The following IGSF21 variants were observed in gnomAD, a reference collection of about 807,000 sequenced individuals.
IGSF21 encodes the protein immunoglobulin superfamily member 21.
Under a neutral mutation model 46.8 loss-of-function variants are expected in IGSF21, and 28 were observed. The observed-to-expected ratio is 0.60, with a 90% CI of 0.44 to 0.82. The LOEUF is 0.82. Ranked by LOEUF, IGSF21 falls within the 40% of genes least tolerant of loss-of-function variation. The pLI is 0.00. For missense variants in IGSF21, 624 were observed against 665.5 expected (o/e 0.94, Z 0.69); for synonymous variants, 284 against 273.6 (o/e 1.04, Z -0.38).
chr1:18,353,774 G>GA (rs1028421298), intron 4 of IGSF21, among the ~76,000 whole-genome samples: 60 of 152,344 alleles, frequency 3.9e-4, no homozygotes, highest in African/African-American at 1.2e-3. Context: ...GACTCAAAGA[G>GA]AAAAATGTCT....
At chr1:18,372,834 A>ATATT (rs1557666263) in intron 6 of IGSF21, among the ~76,000 whole-genome samples, 1 of 114,628 alleles carries the variant, frequency 8.7e-6, no homozygotes, top group African/African-American at 3.6e-5. Flanking sequence ...GGATGGATGG[A>ATATT]TGGATGGATG....
intron 3 of IGSF21, among the ~76,000 whole-genome samples, chr1:18,298,650 A>G (rs2085334040): frequency 6.6e-6 from 1 of 152,224 alleles, no homozygotes; most frequent in Non-Finnish European, 1.5e-5. Context: ...AAATGAAAAA[A>G]AGAGGCTGAG....
intron 1 of IGSF21, among the ~76,000 whole-genome samples, chr1:18,179,897 C>T (rs2086839896): frequency 6.6e-6 from 1 of 152,202 alleles, no homozygotes; most frequent in Admixed American, 6.5e-5. Context: ...ACCCCCTTGG[C>T]ATTCTTCAAA....
chr1:18,130,795 G>C (rs1354382899), intron 1 of IGSF21, among the ~76,000 whole-genome samples: 1 of 152,240 alleles, frequency 6.6e-6, no homozygotes, highest in African/African-American at 2.4e-5. Context: ...CGCTTGTGGA[G>C]AGCAGCAGCC....
chr1:18,123,965 C>T (rs922971097), intron 1 of IGSF21, among the ~76,000 whole-genome samples: 1 of 152,162 alleles, frequency 6.6e-6, no homozygotes, highest in Non-Finnish European at 1.5e-5. Context: ...AAGCATGAAG[C>T]CCCCCTTTCC....
At chr1:18,357,383 G>C (rs911866855) in intron 4 of IGSF21, among the ~76,000 whole-genome samples, 1 of 147,902 alleles carries the variant, frequency 6.8e-6, no homozygotes, top group African/African-American at 2.5e-5. Context: ...TGGGGAAAGG[G>C]ATGGGGATGA....
chr1:18,374,536 G>A (rs892920088), intron 6 of IGSF21, among the ~76,000 whole-genome samples: 3 of 152,146 alleles, frequency 2.0e-5, no homozygotes, highest in African/African-American at 4.8e-5. Context: ...CCTTCCACAC[G>A]ACTGGCTGGC....
At chr1:18,168,979 AGT>A (rs1359065697) in intron 1 of IGSF21, among the ~76,000 whole-genome samples, 2 of 152,190 alleles carry the variant, frequency 1.3e-5, no homozygotes, top group African/African-American at 4.8e-5. Context: ...TGAAATCAGG[AGT>A]AGGGGGCTCA....
intron 3 of IGSF21, among the ~76,000 whole-genome samples, chr1:18,302,942 AAC>A (rs2085376107): frequency 6.6e-6 from 1 of 152,174 alleles, no homozygotes; most frequent in Non-Finnish European, 1.5e-5. Flanking sequence ...GAACTCCCAG[AAC>A]ACACCCTTCT....
At chr1:18,178,868 G>A (rs1310462446) in intron 1 of IGSF21, among the ~76,000 whole-genome samples, 2 of 152,102 alleles carry the variant, frequency 1.3e-5, no homozygotes, top group East Asian at 1.9e-4. Flanking sequence ...CTTATTCTCC[G>A]CCCTTCCTCT....
chr1:18,141,342 C>T (rs1172797015), intron 1 of IGSF21, among the ~76,000 whole-genome samples: 64 of 152,116 alleles, frequency 4.2e-4, no homozygotes, highest in Admixed American at 4.2e-3. Flanking sequence ...GTTTTGCCCA[C>T]CTGCCAATGA....
chr1:18,337,187 C>A lies in IGSF21; in HGVS notation c.424+2177C>A, dbSNP rs538445656. 5.3e-5 allele frequency among the ~76,000 whole-genome samples: 8 copies of A among 152,294 alleles called. No individual in the cohort carries two copies. Among genetic ancestry groups the A allele is most frequent in the Middle Eastern group, 3.4e-3 (1 of 294 alleles). On this transcript the variant is annotated intron_variant, in intron 4 of 9. Coordinates refer to ENST00000251296, the MANE Select transcript of IGSF21 (RefSeq NM_032880.5). The surrounding 1 kb of genome is among the most constrained non-coding windows in gnomAD (Gnocchi z 5.7). ...TTACTCCATCCACTAGGTGAGGAAACTGAGGCACAGAGTGATCTCGTGGGA... is the reference window on the plus strand; with the variant it reads ...TTACTCCATCCACTAGGTGAGGAAAATGAGGCACAGAGTGATCTCGTGGGA...
intron 2 of IGSF21, among the ~76,000 whole-genome samples, chr1:18,231,545 T>A (rs146779033): frequency 5.9e-5 from 9 of 152,226 alleles, no homozygotes; most frequent in Non-Finnish European, 1.3e-4. Context: ...TGTGTAATCA[T>A]AGCCCCTTGG....
chr1:18,345,229 G>A (rs1315353202), intron 4 of IGSF21, among the ~76,000 whole-genome samples: 2 of 152,180 alleles, frequency 1.3e-5, no homozygotes, highest in African/African-American at 4.8e-5. Flanking sequence ...TCCCCCACTG[G>A]AGAATGATCT....
intron 4 of IGSF21, among the ~76,000 whole-genome samples, chr1:18,354,858 A>G (rs2085998331): frequency 2.6e-5 from 2 of 76,802 alleles, no homozygotes; most frequent in African/African-American, 6.3e-5. Flanking sequence ...CTGTTTGCTC[A>G]GCACTTTGCT....
intron 2 of IGSF21, among the ~76,000 whole-genome samples, chr1:18,256,988 C>G (rs183454321): frequency 6.6e-6 from 1 of 152,164 alleles, no homozygotes; most frequent in Non-Finnish European, 1.5e-5. Flanking sequence ...TCTCAGTTGC[C>G]TCCTCTTCTC....
intron 2 of IGSF21, among the ~76,000 whole-genome samples, chr1:18,266,018 G>C (rs964650168): frequency 6.6e-6 from 1 of 152,178 alleles, no homozygotes; most frequent in Non-Finnish European, 1.5e-5. Context: ...GGGGCAAGGG[G>C]TTCTTTGCTA....
intron 3 of IGSF21, among the ~76,000 whole-genome samples, chr1:18,300,220 T>G (rs1569760287): frequency 6.6e-6 from 1 of 151,970 alleles, no homozygotes; most frequent in Non-Finnish European, 1.5e-5. Context: ...AGAATTTGAT[T>G]CAAGCCCAGA....
At chr1:18,214,500 G>A (rs1008118475) in intron 1 of IGSF21, among the ~76,000 whole-genome samples, 2 of 152,168 alleles carry the variant, frequency 1.3e-5, no homozygotes, top group Non-Finnish European at 1.5e-5. Context: ...GGTCCAGGCT[G>A]GGCCAGTTGA....
Sources: gnomAD v4.1 joint callset for allele counts (sites outside exome capture counted in the v4.1 genomes callset) on GRCh38, gnomAD v4.1.1 for gene constraint, Gnocchi (gnomAD v3.1) non-coding constraint, MANE v1.5 for transcripts, NCBI Gene and HGNC (gene_info 2026-07-23, HGNC 2026-07-21) for gene names.